Variants in CFAP161 observed in about 807,000 individuals in gnomAD.
The protein encoded by CFAP161 is cilia- and flagella-associated protein 161.
A neutral mutation model predicts 29.0 loss-of-function variants in CFAP161; 25 were observed. The ratio of observed to expected loss-of-function variants is 0.86; its 90% CI spans 0.63 to 1.20. The LOEUF (loss-of-function observed/expected upper bound fraction) is 1.20, where lower values mean the gene tolerates loss of function less well. CFAP161 is among the 50% of genes most tolerant of loss of function. CFAP161 has a pLI of 0.00. For missense variants in CFAP161, 367 were observed against 371.9 expected, an observed-to-expected ratio of 0.99 and a Z score of 0.11; for synonymous variants, 116 against 137.4, an observed-to-expected ratio of 0.84 and a Z score of 1.09.
In CFAP161 at chr15:81,148,838, G is replaced by A. The variant is rs1170294011; in HGVS notation, c.*305G>A. 4.8e-6 allele frequency: 1 copy of A among 210,182 alleles called. No individual in the cohort carries two copies. Among genetic ancestry groups the A allele is most frequent in the Non-Finnish European group, 9.5e-6 (1 of 105,546 alleles). 13.0% of individuals were successfully genotyped at this position (210,182 alleles called of 1,614,324 possible). On this transcript the variant is annotated 3_prime_UTR_variant, in exon 7 of 7. Transcript: ENST00000286732. Reference sequence around the variant, plus strand: ...ATCCTTCATTGTCTACAAGGACAGTGCGTTACTTTTTAAAGTTATGTCTAT... The same window carrying A: ...ATCCTTCATTGTCTACAAGGACAGTACGTTACTTTTTAAAGTTATGTCTAT...
In CFAP161 at chr15:81,143,789, T is replaced by A; in HGVS notation, c.605T>A (p.Leu202Ter). The A allele has an allele frequency of 6.2e-7, 1 of 1,614,136 alleles. No individual in the cohort carries two copies. Among genetic ancestry groups the A allele is most frequent in the South Asian group, 1.1e-5 (1 of 91,066 alleles). ...CWQAAFPDPQ[L>*]RLEYEGFPVP... ...CAGGCTGCCTTCCCTGACCCCCAGT[T>A]ACGCCTGGAATATGAAGGCTTCCCC... is the stretch of plus-strand genomic sequence containing the variant. The change falls in exon 5 of 7, where the codon TTA (leucine) becomes TAA (stop). Residue 202 changes from leucine to a stop codon, truncating the protein, a stop_gained. Coordinates refer to ENST00000286732, the MANE Select transcript of CFAP161 (RefSeq NM_173528.4). LOFTEE classifies it high-confidence loss of function.
chr15:81,112,586 G>A (rs1894451801), intron 1 of CFAP161, among the ~76,000 whole-genome samples: 1 of 152,132 alleles, frequency 6.6e-6, no homozygotes, highest in Non-Finnish European at 1.5e-5. Context: ...GGTTACCTTG[G>A]CTGGAGGTAG....
upstream of CFAP161, among the ~76,000 whole-genome samples, chr15:81,133,145 A>C (rs1184982220): frequency 6.9e-6 from 1 of 143,962 alleles, no homozygotes; most frequent in Non-Finnish European, 1.5e-5. Context: ...CAAGACAGAA[A>C]GGATCCTTCA....
intron 4 of CFAP161, among the ~76,000 whole-genome samples, chr15:81,143,309 T>TCAAAA (rs200583269): frequency 1.3e-3 from 202 of 152,202 alleles, no homozygotes; most frequent in South Asian, 4.2e-3. Flanking sequence ...AGACCCTGTC[T>TCAAAA]CAAAACAAAA....
intron 1 of CFAP161, among the ~76,000 whole-genome samples, chr15:81,100,950 A>T (rs1437168722): frequency 6.6e-6 from 1 of 152,172 alleles, no homozygotes; most frequent in African/African-American, 2.4e-5. Context: ...AGTCTGTGTT[A>T]CTAGTTCAAT....
At chr15:81,124,369 A>G (rs1476642189) in intron 1 of CFAP161, among the ~76,000 whole-genome samples, 4 of 152,172 alleles carry the variant, frequency 2.6e-5, no homozygotes, top group African/African-American at 7.2e-5. Flanking sequence ...AGCCTATTTG[A>G]TCATGGTAGA....
At chr15:81,129,227 C>T (rs190748051) in intron 2 of CFAP161, among the ~76,000 whole-genome samples, 1 of 152,026 alleles carries the variant, frequency 6.6e-6, no homozygotes, top group Non-Finnish European at 1.5e-5. Flanking sequence ...TGCTGTCATC[C>T]AGGCTTTCTT....
intron 5 of CFAP161, among the ~76,000 whole-genome samples, chr15:81,146,014 C>T (rs943604837): frequency 1.3e-5 from 2 of 152,190 alleles, no homozygotes; most frequent in African/African-American, 2.4e-5. Flanking sequence ...AGCAGTCAGT[C>T]GCTCATATTA....
chr15:81,139,262 A>T (rs1407143310), intron 4 of CFAP161, among the ~76,000 whole-genome samples: 2 of 152,116 alleles, frequency 1.3e-5, no homozygotes, highest in Non-Finnish European at 2.9e-5. Flanking sequence ...GCACCACTGT[A>T]CTCCAGCCTG....
Position 81,147,934 on chromosome 15 carries a change from A to G in CFAP161, c.710+3A>G, listed in dbSNP as rs754231695. 9 of 1,604,146 alleles carry G rather than the reference A, an allele frequency of 5.6e-6. No homozygotes were observed. In the African/African-American group the frequency reaches 6.7e-5, roughly 12 times the overall value. ...GCCCACCGGCATCTTTTCTTAAGGT[A>G]TTGTATTTCAGGGTACAACAAAATG... On this transcript the variant is annotated splice_donor_region_variant and intron_variant, in intron 6 of 6. Transcript: ENST00000286732.
At position 81,127,201 on chromosome 15, in the gene CFAP161, C is replaced by T. The variant is rs139258818; in HGVS notation, c.-141-389C>T. 6.5e-4 allele frequency among the ~76,000 whole-genome samples: 99 copies of T among 152,264 alleles called. 1 individual carries two copies. Among genetic ancestry groups the T allele is most frequent in the Admixed American group, 4.4e-3 (68 of 15,296 alleles). ...TCAGAGAACATCAGGAATTTAGACC[C>T]GTGTTTTAGATGATGGTGATTGCCC... is the stretch of plus-strand genomic sequence containing the variant. On this transcript the variant is annotated intron_variant, in intron 1 of 4. Coordinates refer to the CFAP161 transcript ENST00000560091.
At chr15:81,121,984 GCAT>G (rs1440697087) in intron 1 of CFAP161, among the ~76,000 whole-genome samples, 1 of 152,198 alleles carries the variant, frequency 6.6e-6, no homozygotes, top group African/African-American at 2.4e-5. Flanking sequence ...TTCTGTTCCT[GCAT>G]TAGTTTGCTA....
Position 81,134,282 on chromosome 15 carries a change from T to C in CFAP161, c.-48T>C, listed in dbSNP as rs375087613. ...GGGTCGTCATGGCGACGCGCCACGC[T>C]AACGCATGGTGTCGGAGGGAGGCCC... On this transcript the variant is annotated 5_prime_UTR_variant, in exon 1 of 7. Coordinates refer to ENST00000286732, the MANE Select transcript of CFAP161 (RefSeq NM_173528.4). 6.4e-7 allele frequency: 1 copy of C among 1,556,918 alleles called. No homozygotes were observed. Among genetic ancestry groups the C allele is most frequent in the African/African-American group, 1.4e-5 (1 of 74,064 alleles).
At chr15:81,133,221 A>ATTTTTT (rs1253988690), upstream of CFAP161, among the ~76,000 whole-genome samples, 1 of 32,490 alleles carries the variant, frequency 3.1e-5, no homozygotes, top group African/African-American at 1.0e-4. Flanking sequence ...ATATATATAT[A>ATTTTTT]TATGTATTTT....
At chr15:81,146,587 T>C (rs994187137) in intron 5 of CFAP161, among the ~76,000 whole-genome samples, 3 of 151,852 alleles carry the variant, frequency 2.0e-5, no homozygotes, top group Non-Finnish European at 4.4e-5. Context: ...CATCTAAATT[T>C]TTCTGTGTCT....
chr15:81,139,599 G>A (rs1196660540), intron 4 of CFAP161, among the ~76,000 whole-genome samples: 1 of 152,062 alleles, frequency 6.6e-6, no homozygotes, highest in Admixed American at 6.6e-5. Flanking sequence ...TAATTGTGTG[G>A]CGGTATCATA....
At chr15:81,101,955 C>T (rs1304344545) in intron 1 of CFAP161, among the ~76,000 whole-genome samples, 1 of 152,172 alleles carries the variant, frequency 6.6e-6, no homozygotes, top group African/African-American at 2.4e-5. Flanking sequence ...ACTACACCAC[C>T]ACCCTCTTCC....
At chr15:81,105,143 C>T (rs1400610857) in intron 1 of CFAP161, among the ~76,000 whole-genome samples, 7 of 13,792 alleles carry the variant, frequency 5.1e-4, no homozygotes, top group African/African-American at 1.8e-3. Context: ...CCCCTCCCCT[C>T]CCTCCCTCCC....
At position 81,107,729 on chromosome 15, in the gene CFAP161, T is replaced by TA. The variant is rs1175580387; in HGVS notation, c.-141-19858dup. Among the ~76,000 whole-genome samples the TA allele has an allele frequency of 1.5e-3, 233 of 152,076 alleles. 1 individual carries two copies. Among genetic ancestry groups the TA allele is most frequent in the African/African-American group, 5.1e-3 (212 of 41,500 alleles). ...AACAAGAGTGAAACTCAGTCTCAAA[T>TA]AAATAAAATAAAATAAAATAAATAA... is the stretch of plus-strand genomic sequence containing the variant. On this transcript the variant is annotated intron_variant, in intron 1 of 4. Coordinates refer to the CFAP161 transcript ENST00000560091.
Sources: gnomAD v4.1 joint callset for allele counts (sites outside exome capture counted in the v4.1 genomes callset) on GRCh38, gnomAD v4.1.1 for gene constraint, MANE v1.5 for transcripts, NCBI Gene and HGNC (gene_info 2026-07-23, HGNC 2026-07-21) for gene names.